GNAS-AS1: variants seen among roughly 807,000 people sequenced by gnomAD.
The protein encoded by GNAS-AS1 is GNAS antisense RNA 1 (non-protein coding).
chr20:58,825,711 A>C (rs2085515092), intron 4 of GNAS-AS1, among the ~76,000 whole-genome samples: 1 of 152,204 alleles, frequency 6.6e-6, no homozygotes, highest in African/African-American at 2.4e-5. Flanking sequence ...CTAATTTCTA[A>C]GGTACTTTTG....
rs2145474054 is a variant in GNAS-AS1, at chr20:58,840,877, A to G, written n.819+1060T>C. On this transcript the variant is annotated intron_variant and non_coding_transcript_variant, in intron 4 of 4. Transcript: ENST00000424094. This position sits in a 1 kb window ranked among gnomAD's most constrained non-coding sequence, Gnocchi z 6.0. ...CGCCGTCCAGATTCTCCTTGTTTTC[A>G]TGGATTCAGGTTAGTTGCCCACCGC... 1.2e-6 allele frequency: 2 copies of G among 1,612,606 alleles called. No individual in the cohort carries two copies. The highest frequency in any genetic ancestry group is 1.7e-6 in the Non-Finnish European group (2 of 1,179,896).
At chr20:58,850,893 G>A (rs908563159) in exon 1 of GNAS-AS1, 5 of 398,634 alleles carry the variant, frequency 1.3e-5, no homozygotes, top group African/African-American at 1.0e-4. Context: ...GTTCCAACGC[G>A]GCGCCCCCTA....
rs563890949 is a variant in GNAS-AS1 at position 58,828,110 on chromosome 20, A to G, written n.820-8855T>C. Among the ~76,000 whole-genome samples, 3 of 152,360 alleles carry G rather than the reference A, an allele frequency of 2.0e-5. No homozygotes were observed. In the South Asian group the frequency reaches 6.2e-4, roughly 32 times the overall value. ...AAGTAATAACTGGTGCTTTTGGAAC[A>G]ACCAAGAGAAAAAGAGAGTGCCACC... On this transcript the variant is annotated intron_variant and non_coding_transcript_variant, in intron 4 of 4. Transcript: ENST00000424094.
chr20:58,833,222 CGG>C (rs781607628), intron 4 of GNAS-AS1, among the ~76,000 whole-genome samples: 1 of 152,222 alleles, frequency 6.6e-6, no homozygotes, highest in Non-Finnish European at 1.5e-5. Flanking sequence ...TTTGGAAAAC[CGG>C]AAAGTCTTCT....
At chr20:58,825,075 A>G (rs1406805049) in intron 4 of GNAS-AS1, among the ~76,000 whole-genome samples, 1 of 152,236 alleles carries the variant, frequency 6.6e-6, no homozygotes, top group African/African-American at 2.4e-5. Context: ...GTGAAGTGGG[A>G]GCAAATGTCA....
rs2085680036 is a variant in GNAS-AS1, at chr20:58,840,608, T to C, written n.819+1329A>G. The stretch of plus-strand genomic sequence containing the variant: ...CACCCAGCGTCTGCACGCTCTCAAG[T>C]TGCGAAGCCCCGACGCCTCCCCAAG... On this transcript the variant is annotated intron_variant and non_coding_transcript_variant, in intron 4 of 4. Transcript: ENST00000424094. This position sits in a 1 kb window ranked among gnomAD's most constrained non-coding sequence, Gnocchi z 6.0. 4 of 1,609,552 alleles carry C rather than the reference T, an allele frequency of 2.5e-6. No homozygotes were observed. The highest frequency in any genetic ancestry group is 2.2e-5 in the East Asian group (1 of 44,794).
At position 58,841,460 on chromosome 20, in the gene GNAS-AS1, A is replaced by G; in HGVS notation, n.819+477T>C. 1.0e-6 allele frequency: 1 copy of G among 992,296 alleles called. No individual in the cohort carries two copies. The highest frequency in any genetic ancestry group is 1.2e-6 in the Non-Finnish European group (1 of 834,380). The allele number at this position is 992,296 out of a possible 1,614,324, so 61.5% of individuals were successfully genotyped here. On this transcript the variant is annotated intron_variant and non_coding_transcript_variant, in intron 4 of 4. Coordinates refer to ENST00000424094, the Ensembl canonical transcript of GNAS-AS1. This position sits in a 1 kb window ranked among gnomAD's most constrained non-coding sequence, Gnocchi z 5.0. ...AGTCACGCGCGCGCGGCGCCTAAGCAGCTCAGAGCCGGAGCCCAGGTCCCA... is the reference window on the plus strand; with the variant it reads ...AGTCACGCGCGCGCGGCGCCTAAGCGGCTCAGAGCCGGAGCCCAGGTCCCA...
chr20:58,841,534 C>T lies in GNAS-AS1; in HGVS notation n.819+403G>A, dbSNP rs1240694140. On this transcript the variant is annotated intron_variant and non_coding_transcript_variant, in intron 4 of 4. Transcript: ENST00000424094. This position sits in a 1 kb window ranked among gnomAD's most constrained non-coding sequence, Gnocchi z 5.0. ...CCTCCGCGCCAGTGCCTCCAGCTGC[C>T]GTGCGCCAGCCTTGGCCGCCACAGC... is the stretch of plus-strand genomic sequence containing the variant. 6.0e-6 allele frequency: 6 copies of T among 994,894 alleles called. No homozygotes were observed. Among genetic ancestry groups the T allele is most frequent in the African/African-American group, 1.7e-5 (1 of 57,610 alleles). The allele number at this position is 994,894 out of a possible 1,614,324, so 61.6% of individuals were successfully genotyped here. A position where few individuals can be genotyped will look rare whatever the true frequency, so the allele number is the denominator to read the frequency against.
chr20:58,846,834 C>T (rs2085958185), intron 2 of GNAS-AS1, among the ~76,000 whole-genome samples: 1 of 152,220 alleles, frequency 6.6e-6, no homozygotes, highest in Admixed American at 6.5e-5. Flanking sequence ...CAGAAGCCCC[C>T]AGGGTGGCTG....
intron 2 of GNAS-AS1, chr20:58,848,757 C>T (rs1197659809): frequency 5.1e-6 from 2 of 395,682 alleles, no homozygotes; most frequent in East Asian, 7.2e-5. Flanking sequence ...CTTACTATAC[C>T]GGATTCCTCA....
chr20:58,823,051 C>T (rs2085496498), intron 4 of GNAS-AS1, among the ~76,000 whole-genome samples: 1 of 152,176 alleles, frequency 6.6e-6, no homozygotes, highest in Admixed American at 6.5e-5. Flanking sequence ...TTCACGGGCA[C>T]TTCCCAGGCT....
At chr20:58,844,661 GT>G in intron 2 of GNAS-AS1, among the ~76,000 whole-genome samples, 1 of 144,814 alleles carries the variant, frequency 6.9e-6, no homozygotes, top group Non-Finnish European at 1.5e-5. Flanking sequence ...GCCTGGGGTT[GT>G]CCAATTTGAC....
At chr20:58,823,372 G>C (rs995710713) in intron 4 of GNAS-AS1, among the ~76,000 whole-genome samples, 1 of 152,196 alleles carries the variant, frequency 6.6e-6, no homozygotes, top group Non-Finnish European at 1.5e-5. Context: ...TTGTCAAATG[G>C]GTCATCAGTG....
rs2085660423 is a variant in GNAS-AS1, at chr20:58,840,107, A to C, written n.819+1830T>G. ...GGCTTCTCGGTGTGTGCCTAAGAGGATGGATCGGAGGTCCCGGGCTCAGCA... is the reference window on the plus strand; with the variant it reads ...GGCTTCTCGGTGTGTGCCTAAGAGGCTGGATCGGAGGTCCCGGGCTCAGCA... On this transcript the variant is annotated intron_variant and non_coding_transcript_variant, in intron 4 of 4. Transcript: ENST00000424094. The surrounding 1 kb of genome is among the most constrained non-coding windows in gnomAD (Gnocchi z 6.0). 3 of 1,609,992 alleles carry C rather than the reference A, an allele frequency of 1.9e-6. No homozygotes were observed. Among genetic ancestry groups the C allele is most frequent in the Non-Finnish European group, 2.5e-6 (3 of 1,179,710 alleles).
chr20:58,830,597 C>CCA (rs1261476035), intron 4 of GNAS-AS1, among the ~76,000 whole-genome samples: 3 of 134,874 alleles, frequency 2.2e-5, no homozygotes, highest in Admixed American at 7.1e-5. Flanking sequence ...ACAATCACCA[C>CCA]CACCACCATC....
exon 5 of GNAS-AS1, chr20:58,819,093 T>C: frequency 2.5e-6 from 1 of 398,652 alleles, no homozygotes; most frequent in East Asian, 3.6e-5. Context: ...CCAAACTCTC[T>C]TTGCTTATCA....
At chr20:58,849,566 T>G (rs2752944) in intron 1 of GNAS-AS1, among the ~76,000 whole-genome samples, 1 of 152,164 alleles carries the variant, frequency 6.6e-6, no homozygotes, top group Non-Finnish European at 1.5e-5. Flanking sequence ...CTGCCCAAAG[T>G]TCCTTAATCT....
intron 2 of GNAS-AS1, among the ~76,000 whole-genome samples, chr20:58,845,735 C>T (rs1257707855): frequency 6.6e-6 from 1 of 152,172 alleles, no homozygotes; most frequent in Non-Finnish European, 1.5e-5. Context: ...CTGGTCCAAG[C>T]ACTAGTGGCC....
At chr20:58,842,425 G>A in intron 3 of GNAS-AS1, 1 of 398,552 alleles carries the variant, frequency 2.5e-6, no homozygotes, top group African/African-American at 2.1e-5. Context: ...ATGATAGAAG[G>A]AAAATACCTT....
Sources: gnomAD v4.1 joint callset for allele counts (sites outside exome capture counted in the v4.1 genomes callset) on GRCh38, gnomAD v4.1.1 for gene constraint, Gnocchi (gnomAD v3.1) non-coding constraint, MANE v1.5 for transcripts, NCBI Gene and HGNC (gene_info 2026-07-23, HGNC 2026-07-21) for gene names.